HS3ST4: variants seen among roughly 807,000 people sequenced by gnomAD.
HS3ST4 encodes the protein heparan sulfate-glucosamine 3-sulfotransferase 4, also known as heparan sulfate glucosamine 3-O-sulfotransferase 4.
HS3ST4 carries 17 observed loss-of-function variants against 29.2 expected under a neutral mutation model. The ratio of observed to expected loss-of-function variants is 0.58; its 90% CI spans 0.40 to 0.87. The LOEUF (loss-of-function observed/expected upper bound fraction) is 0.87. HS3ST4 is among the 40% of genes least tolerant of loss of function. HS3ST4 has a pLI of 0.00. For synonymous variants in HS3ST4, 314 were observed against 285.7 expected, an observed-to-expected ratio of 1.10 and a Z score of -1.00; for missense variants, 627 against 634.5, an observed-to-expected ratio of 0.99 and a Z score of 0.13.
chr16:26,042,473 T>C (rs1969644249), intron 1 of HS3ST4, among the ~76,000 whole-genome samples: 1 of 152,186 alleles, frequency 6.6e-6, no homozygotes, highest in Admixed American at 6.5e-5. Context: ...GTTTTCCTCT[T>C]TAACATCCAT....
At chr16:25,715,402 TA>T (rs751232087) in intron 1 of HS3ST4, among the ~76,000 whole-genome samples, 3 of 147,086 alleles carry the variant, frequency 2.0e-5, no homozygotes, top group Non-Finnish European at 4.5e-5. Context: ...TGGCACTGGA[TA>T]AAAGCTTTTA....
chr16:25,727,467 A>T (rs1340747727), intron 1 of HS3ST4, among the ~76,000 whole-genome samples: 1 of 152,222 alleles, frequency 6.6e-6, no homozygotes, highest in Non-Finnish European at 1.5e-5. Context: ...ATAATGGAAA[A>T]AAAGGTTAGC....
At chr16:25,928,367 T>C (rs1298916396) in intron 1 of HS3ST4, among the ~76,000 whole-genome samples, 1 of 142,214 alleles carries the variant, frequency 7.0e-6, no homozygotes, top group Non-Finnish European at 1.5e-5. Flanking sequence ...CCCATCTCTA[T>C]TAAAAAATAA....
At chr16:25,779,799 A>G (rs1966851018) in intron 1 of HS3ST4, among the ~76,000 whole-genome samples, 1 of 152,156 alleles carries the variant, frequency 6.6e-6, no homozygotes, top group Admixed American at 6.5e-5. Flanking sequence ...TAAAAACAAT[A>G]ATAACAACAA....
At chr16:25,766,601 A>G (rs1038868050) in intron 1 of HS3ST4, among the ~76,000 whole-genome samples, 1 of 152,246 alleles carries the variant, frequency 6.6e-6, no homozygotes, top group Non-Finnish European at 1.5e-5. Context: ...GTGCACACAC[A>G]TCATTTTAAA....
chr16:26,090,642 G>A (rs150507537), intron 1 of HS3ST4, among the ~76,000 whole-genome samples: 178 of 151,916 alleles, frequency 1.2e-3, no homozygotes, highest in African/African-American at 4.0e-3. Context: ...GGAGACCCTC[G>A]GGGCCCATGT....
At chr16:25,746,590 C>T (rs1002004716) in intron 1 of HS3ST4, among the ~76,000 whole-genome samples, 1 of 150,236 alleles carries the variant, frequency 6.7e-6, no homozygotes, top group Non-Finnish European at 1.5e-5. Context: ...CTCACCTTGT[C>T]TCCCAGGCTG....
At chr16:25,737,904 T>G (rs948627375) in intron 1 of HS3ST4, among the ~76,000 whole-genome samples, 6 of 60,584 alleles carry the variant, frequency 9.9e-5, no homozygotes, top group South Asian at 5.1e-4. Context: ...ACCTGTAGCT[T>G]CTTTTTTTTT....
intron 1 of HS3ST4, among the ~76,000 whole-genome samples, chr16:26,072,783 A>C (rs1438353816): frequency 6.6e-6 from 1 of 152,196 alleles, no homozygotes; most frequent in Non-Finnish European, 1.5e-5. Context: ...TTCCATGAAA[A>C]CAAGACATTT....
chr16:26,020,347 G>A (rs1284499065), intron 1 of HS3ST4, among the ~76,000 whole-genome samples: 3 of 152,192 alleles, frequency 2.0e-5, no homozygotes, highest in African/African-American at 4.8e-5. Flanking sequence ...TGTGGGGCAC[G>A]AGAATTATAG....
intron 1 of HS3ST4, among the ~76,000 whole-genome samples, chr16:25,724,198 G>A (rs1966516481): frequency 6.6e-6 from 1 of 151,194 alleles, no homozygotes; most frequent in African/African-American, 2.4e-5. Context: ...GATAGTGTCT[G>A]TATTCAAGAA....
chr16:26,093,090 CT>C (rs1158280575), intron 1 of HS3ST4, among the ~76,000 whole-genome samples: 3 of 152,186 alleles, frequency 2.0e-5, no homozygotes, highest in Non-Finnish European at 4.4e-5. Context: ...GGCCGGGAAG[CT>C]TGAACAGGGA....
chr16:25,911,423 T>C (rs1046889067), intron 1 of HS3ST4, among the ~76,000 whole-genome samples: 1 of 151,508 alleles, frequency 6.6e-6, no homozygotes, highest in African/African-American at 2.4e-5. Flanking sequence ...CTGGGCGTTC[T>C]CTCCTCCTTG....
chr16:26,035,272 T>C (rs1024807755), intron 1 of HS3ST4, among the ~76,000 whole-genome samples: 3 of 152,226 alleles, frequency 2.0e-5, no homozygotes, highest in African/African-American at 7.2e-5. Flanking sequence ...CACCTCTTTC[T>C]TCTCCTCTCA....
intron 1 of HS3ST4, among the ~76,000 whole-genome samples, chr16:25,779,181 C>G (rs1966850482): frequency 6.6e-6 from 1 of 152,144 alleles, no homozygotes; most frequent in African/African-American, 2.4e-5. Flanking sequence ...TGGATCCACC[C>G]AAATCACCAT....
At chr16:25,815,322 C>A (rs1967082506) in intron 1 of HS3ST4, among the ~76,000 whole-genome samples, 1 of 152,160 alleles carries the variant, frequency 6.6e-6, no homozygotes, top group Non-Finnish European at 1.5e-5. Flanking sequence ...TGGAGTCTTT[C>A]TTTAAGCACA....
intron 1 of HS3ST4, among the ~76,000 whole-genome samples, chr16:26,038,683 TATG>T (rs1363721705): frequency 1.4e-3 from 211 of 151,988 alleles, no homozygotes; most frequent in African/African-American, 4.9e-3. Context: ...TGTATGTATG[TATG>T]TATTTATTTT....
intron 1 of HS3ST4, among the ~76,000 whole-genome samples, chr16:25,932,090 G>C (rs1318058253): frequency 6.6e-6 from 1 of 152,192 alleles, no homozygotes; most frequent in African/African-American, 2.4e-5. Context: ...CAAAGCCAAA[G>C]ATCTCTTGAG....
chr16:25,883,586 A>G (rs1325591576), intron 1 of HS3ST4, among the ~76,000 whole-genome samples: 3 of 152,310 alleles, frequency 2.0e-5, no homozygotes, highest in Non-Finnish European at 2.9e-5. Flanking sequence ...AGGTGTTTAG[A>G]CCATGGGAAC....
Sources: allele counts gnomAD v4.1 joint callset (sites outside exome capture counted in the v4.1 genomes callset), GRCh38; gene constraint gnomAD v4.1.1; transcripts MANE v1.5; gene names NCBI Gene and HGNC (gene_info 2026-07-23, HGNC 2026-07-21).